The following MBNL2 variants were observed in gnomAD, a reference collection of about 807,000 sequenced individuals.
MBNL2 encodes muscleblind-like protein 2.
A neutral mutation model predicts 41.9 loss-of-function variants in MBNL2; 17 were observed. The ratio of observed to expected loss-of-function variants is 0.41; its 90% confidence interval spans 0.28 to 0.61. The LOEUF is 0.61. Among genes scored for constraint, MBNL2 ranks in the 20% least tolerant of loss-of-function variants. The pLI, the probability that MBNL2 is intolerant of heterozygous loss-of-function variation, is 0.35. For missense variants in MBNL2, 336 were observed against 505.6 expected, an observed-to-expected ratio of 0.66 and a Z score of 3.22; for synonymous variants, 195 against 182.9, an observed-to-expected ratio of 1.07 and a Z score of -0.53.
chr13:97,273,798 C>T (rs1440320169), intron 1 of MBNL2, among the ~76,000 whole-genome samples: 1 of 152,296 alleles, frequency 6.6e-6, no homozygotes, highest in African/African-American at 2.4e-5. Context: ...CGGTGGCTCA[C>T]GTCTGTTGTC....
At chr13:97,304,810 A>ATTC (rs1465922066) in intron 2 of MBNL2, among the ~76,000 whole-genome samples, 5 of 152,266 alleles carry the variant, frequency 3.3e-5, no homozygotes, top group Admixed American at 1.3e-4. Flanking sequence ...TACATAAACA[A>ATTC]AATGCATTAT....
chr13:97,187,590 G>C, the MBNL2 span, among the ~76,000 whole-genome samples: 1 of 39,400 alleles, frequency 2.5e-5, no homozygotes, highest in Non-Finnish European at 5.8e-5. Flanking sequence ...AAACTATGCA[G>C]CTTAAAAAAA....
chr13:97,196,163 C>G, the MBNL2 span, among the ~76,000 whole-genome samples: 15 of 152,158 alleles, frequency 9.9e-5, no homozygotes, highest in East Asian at 1.2e-3. Flanking sequence ...GGTAGAAAAC[C>G]GTAAAGGCTG....
rs2066455747 is a variant in MBNL2 at position 97,393,868 on chromosome 13, C to G, written c.*2419C>G. ...ACAAATACTGTAGTTAAGAGACTAA[C>G]TCTCCACTTGTATGGGAACTACATT... On this transcript the variant is annotated 3_prime_UTR_variant, in exon 9 of 9. Transcript: ENST00000679496. 6.6e-6 allele frequency: 1 copy of G among 152,550 alleles called. No individual in the cohort carries two copies. The highest frequency in any genetic ancestry group is 1.5e-5 in the Non-Finnish European group (1 of 67,988). The allele number at this position is 152,550 out of a possible 1,614,324, so 9.4% of individuals were successfully genotyped here. A position where few individuals can be genotyped will look rare whatever the true frequency, so the allele number is the denominator to read the frequency against.
intron 2 of MBNL2, among the ~76,000 whole-genome samples, chr13:97,304,523 G>A (rs2057938068): frequency 6.6e-6 from 1 of 152,140 alleles, no homozygotes; most frequent in Admixed American, 6.5e-5. Context: ...GAACAAGAAT[G>A]CAATGATCTG....
intron 7 of MBNL2, among the ~76,000 whole-genome samples, chr13:97,359,603 G>A (rs919594799): frequency 9.2e-5 from 14 of 152,198 alleles, no homozygotes; most frequent in Non-Finnish European, 8.8e-5. Flanking sequence ...TGTATCTCAT[G>A]AAGGACCCAT....
In MBNL2 at chr13:97,391,380, A is replaced by G. The variant is rs2066389855; in HGVS notation, c.1107A>G (p.Ile369Met). Reference sequence around the variant, plus strand: ...AATGCCAAGAATCTGCATTGAGAATAACTAAACATTGTTACTGTACATACT... The same window carrying G: ...AATGCCAAGAATCTGCATTGAGAATGACTAAACATTGTTACTGTACATACT... ...GMECQESALR[I>M]TKHCYCTYYP... The change falls in exon 9 of 9, where the codon ATA becomes ATG. Residue 369 changes from isoleucine to methionine, a missense_variant. Ile to Met is a conservative substitution (Grantham distance 10). Coordinates refer to ENST00000679496, the MANE Select transcript of MBNL2 (RefSeq NM_001382683.1). 3.1e-6 allele frequency: 5 copies of G among 1,590,796 alleles called. No individual in the cohort carries two copies. The highest frequency in any genetic ancestry group is 4.3e-6 in the Non-Finnish European group (5 of 1,159,134).
chr13:97,248,697 C>CT (rs548302731), intron 1 of MBNL2, among the ~76,000 whole-genome samples: 70 of 151,582 alleles, frequency 4.6e-4, no homozygotes, highest in Middle Eastern at 6.8e-3. Context: ...ATCAAGATAA[C>CT]TTTTTTTTTA....
At chr13:97,182,620 C>T in the MBNL2 span, among the ~76,000 whole-genome samples, 3 of 152,098 alleles carry the variant, frequency 2.0e-5, no homozygotes, top group Non-Finnish European at 2.9e-5. Flanking sequence ...GGGTTATCTT[C>T]CTTTAGGAAG....
At chr13:97,316,953 T>A (rs139503930) in intron 2 of MBNL2, among the ~76,000 whole-genome samples, 1 of 152,316 alleles carries the variant, frequency 6.6e-6, no homozygotes, top group East Asian at 1.9e-4. Context: ...CAAGGTAGAC[T>A]TGCAACATAT....
intron 2 of MBNL2, among the ~76,000 whole-genome samples, chr13:97,288,596 T>C (rs2055147850): frequency 6.6e-6 from 1 of 152,126 alleles, no homozygotes; most frequent in Non-Finnish European, 1.5e-5. Flanking sequence ...GGAGACCAGG[T>C]TTGTTCTGCA....
chr13:97,282,112 GAGGCAA>G (rs1338858214), intron 2 of MBNL2, among the ~76,000 whole-genome samples: 1 of 151,868 alleles, frequency 6.6e-6, no homozygotes, highest in African/African-American at 2.4e-5. Flanking sequence ...AGCACTTTGG[GAGGCAA>G]AGGCAAGAGG....
the MBNL2 span, among the ~76,000 whole-genome samples, chr13:97,155,730 C>T: frequency 0.015 from 2,356 of 152,186 alleles, 67 homozygotes; most frequent in African/African-American, 0.053. Flanking sequence ...ATGAACTCAT[C>T]CTTTTTTATG....
chr13:97,233,175 A>ATATC (rs2042690241), intron 1 of MBNL2, among the ~76,000 whole-genome samples: 1 of 94,094 alleles, frequency 1.1e-5, no homozygotes, highest in Non-Finnish European at 2.1e-5. Context: ...ATATATATAT[A>ATATC]TCTTTTTATT....
At chr13:97,193,331 G>A in the MBNL2 span, among the ~76,000 whole-genome samples, 1 of 152,214 alleles carries the variant, frequency 6.6e-6, no homozygotes, top group African/African-American at 2.4e-5. Flanking sequence ...GGGCCCAAGG[G>A]CCCTACGACA....
intron 2 of MBNL2, among the ~76,000 whole-genome samples, chr13:97,316,430 T>C (rs570243329): frequency 2.6e-5 from 4 of 152,168 alleles, no homozygotes; most frequent in Non-Finnish European, 5.9e-5. Context: ...CCCCTCAAAA[T>C]TCCCATTTCC....
chr13:97,152,272 A>G, the MBNL2 span, among the ~76,000 whole-genome samples: 2 of 152,186 alleles, frequency 1.3e-5, no homozygotes, highest in Non-Finnish European at 2.9e-5. Flanking sequence ...AAAAGGCAAT[A>G]AATGAATGAG....
chr13:97,368,358 G>A (rs1020037811), intron 8 of MBNL2, among the ~76,000 whole-genome samples: 1 of 151,226 alleles, frequency 6.6e-6, no homozygotes, highest in African/African-American at 2.4e-5. Context: ...AGGCTGCAGT[G>A]AGCCATGATC....
Position 97,226,969 on chromosome 13 carries a change from T to G in MBNL2, c.-605+4438T>G, listed in dbSNP as rs535212658. Among the ~76,000 whole-genome samples, 244 of 150,998 alleles carry G rather than the reference T, an allele frequency of 1.6e-3. 1 individual carries two copies. Among genetic ancestry groups the G allele is most frequent in the Middle Eastern group, 6.8e-3 (2 of 292 alleles). Reference sequence around the variant, plus strand: ...ATGCCTTTATCTCACTGTCTCTATCTCTAGCAAGGAAACCTGTTTCCTGAC... The same window carrying G: ...ATGCCTTTATCTCACTGTCTCTATCGCTAGCAAGGAAACCTGTTTCCTGAC... On this transcript the variant is annotated intron_variant, in intron 1 of 8. Coordinates refer to ENST00000679496, the MANE Select transcript of MBNL2 (RefSeq NM_001382683.1).
Sources: gnomAD v4.1 joint callset for allele counts (sites outside exome capture counted in the v4.1 genomes callset) on GRCh38, gnomAD v4.1.1 for gene constraint, MANE v1.5 for transcripts, NCBI Gene and HGNC (gene_info 2026-07-23, HGNC 2026-07-21) for gene names.